The following SERPINC1 variants were observed in gnomAD, a reference collection of about 807,000 sequenced individuals.
SERPINC1 encodes serpin family C member 1, also known as antithrombin-III.
A neutral mutation model predicts 43.4 loss-of-function variants in SERPINC1; 12 were observed. The observed-to-expected ratio is 0.28, with a 90% CI of 0.18 to 0.45. The LOEUF (loss-of-function observed/expected upper bound fraction) is 0.45. Among genes scored for constraint, SERPINC1 ranks in the 20% least tolerant of loss-of-function variants. SERPINC1 has a pLI of 1.00. For synonymous variants in SERPINC1, 210 were observed against 218.9 expected, an observed-to-expected ratio of 0.96 and a Z score of 0.36; for missense variants, 423 against 578.8, an observed-to-expected ratio of 0.73 and a Z score of 2.76.
intron 4 of SERPINC1, 32 bp from the exon 5 acceptor site, chr1:173,909,974 C>A (rs1303689471): frequency 2.5e-6 from 4 of 1,608,944 alleles, no homozygotes; most frequent in Admixed American, 1.7e-5. Context: ...AGAACACAAA[C>A]ATTCATAGGA....
chr1:173,906,114 G>A (rs1192268626), intron 6 of SERPINC1, among the ~76,000 whole-genome samples: 3 of 149,212 alleles, frequency 2.0e-5, no homozygotes, highest in East Asian at 1.9e-4. Flanking sequence ...CCTGGCTCCC[G>A]CAAAAAATAG....
chr1:173,914,453 G>A (rs1421812986), intron 2 of SERPINC1, 100 bp downstream of exon 2: 1 of 1,347,180 alleles, frequency 7.4e-7, no homozygotes, highest in East Asian at 2.3e-5. Context: ...AGCGCCCCTA[G>A]TGGCCTGCAG....
At chr1:173,916,412 T>C (rs1408963472) in intron 1 of SERPINC1, among the ~76,000 whole-genome samples, 1 of 152,138 alleles carries the variant, frequency 6.6e-6, no homozygotes, top group African/African-American at 2.4e-5. Flanking sequence ...CTTGCCTTCT[T>C]GCGTGGTCTG....
Position 173,909,685 on chromosome 1 carries a change from C to T in SERPINC1, c.1020G>A (p.Leu340=). ...CCAGCATCATCTCCTCCAATTCATCCAGCCACTCTTGCAGCACCTCTGGGG... is the reference window on the plus strand; with the variant it reads ...CCAGCATCATCTCCTCCAATTCATCTAGCCACTCTTGCAGCACCTCTGGGG... The part of the protein sequence containing the change: ...ELTPEVLQEW[L]DELEEMMLVV... The change falls in exon 5 of 7, where the codon CTG becomes CTA. Residue 340 remains leucine (L), a synonymous_variant. Transcript: ENST00000367698. 1 of 1,613,976 alleles carries T rather than the reference C, an allele frequency of 6.2e-7. No individual in the cohort carries two copies. Among genetic ancestry groups the T allele is most frequent in the Non-Finnish European group, 8.5e-7 (1 of 1,179,864 alleles).
At chr1:173,912,816 G>C (rs192921114) in intron 2 of SERPINC1, among the ~76,000 whole-genome samples, 1 of 152,160 alleles carries the variant, frequency 6.6e-6, no homozygotes, top group African/African-American at 2.4e-5. Flanking sequence ...AAAGGAACAT[G>C]TGTGGTTTGG....
intron 2 of SERPINC1, among the ~76,000 whole-genome samples, chr1:173,914,193 C>T (rs1657890737): frequency 6.6e-6 from 1 of 151,980 alleles, no homozygotes; most frequent in South Asian, 2.1e-4. Context: ...CTACACATTG[C>T]CTGGCACAGA....
At chr1:173,915,077 T>G in intron 1 of SERPINC1, 158 bp from the exon 2 acceptor site, 1 of 1,505,830 alleles carries the variant, frequency 6.6e-7, no homozygotes, top group East Asian at 2.5e-5. Flanking sequence ...CCGGGACAGG[T>G]TCAGTCCTAG....
intron 1 of SERPINC1, among the ~76,000 whole-genome samples, chr1:173,916,003 G>A (rs1374338098): frequency 2.6e-5 from 4 of 152,112 alleles, no homozygotes; most frequent in Admixed American, 2.6e-4. Flanking sequence ...GAGTCAATCA[G>A]TTCTGTTTTT....
In SERPINC1 at chr1:173,903,982, G is replaced by T; in HGVS notation, c.1302C>A (p.Phe434Leu). Residue 434 changes from phenylalanine to leucine, a missense_variant, in exon 7 of 7, where the codon TTC (phenylalanine) becomes TTA (leucine). Coordinates refer to ENST00000367698, the MANE Select transcript of SERPINC1 (RefSeq NM_000488.4). ...GRSLNPNRVT[F>L]KANRPFLVFI... ...AAACCAGGAAAGGCCTGTTGGCCTT[G>T]AAAGTCACCCTGTTGGGGTTTAGCG... is the stretch of plus-strand genomic sequence containing the variant. The T allele has an allele frequency of 6.2e-7, 1 of 1,614,166 alleles. No individual in the cohort carries two copies. The highest frequency in any genetic ancestry group is 8.5e-7 in the Non-Finnish European group (1 of 1,179,986).
intron 5 of SERPINC1, among the ~76,000 whole-genome samples, chr1:173,909,341 C>T (rs913120220): frequency 3.3e-5 from 5 of 152,124 alleles, no homozygotes; most frequent in Non-Finnish European, 5.9e-5. Context: ...CTAGCTGGGC[C>T]CATGGAGATC....
intron 5 of SERPINC1, 141 bp downstream of exon 5, chr1:173,909,411 T>C (rs1428296288): frequency 2.3e-6 from 2 of 863,332 alleles, no homozygotes; most frequent in Non-Finnish European, 3.6e-6. Flanking sequence ...AAAAGAGATT[T>C]CCACAAATTA....
At position 173,910,808 on chromosome 1, in the gene SERPINC1, C is replaced by A. The variant is rs774632265; in HGVS notation, c.708G>T (p.Ser236=). 6.2e-7 allele frequency: 1 copy of A among 1,614,050 alleles called. No homozygotes were observed. The highest frequency in any genetic ancestry group is 1.1e-5 in the South Asian group (1 of 91,078). Residue 236 remains serine (S), a synonymous_variant, in exon 4 of 7, where the codon TCG becomes TCT. Transcript: ENST00000367698. ...GAACAGTGAGCTCATTGATGGCTTCCGAGGGAATGACATCGGTGATTCGGC... is the reference window on the plus strand; with the variant it reads ...GAACAGTGAGCTCATTGATGGCTTCAGAGGGAATGACATCGGTGATTCGGC... ...TEGRITDVIP[S]EAINELTVLV...
rs1315832378 is a variant in SERPINC1 at position 173,910,896 on chromosome 1, G to C, written c.625-5C>G. On this transcript the variant is annotated splice_polypyrimidine_tract_variant and splice_region_variant and intron_variant, in intron 3 of 6. Transcript: ENST00000367698. ...TCTGGATTGCTCTGCATTTTCCTGAGGAGAACAGAAAATAAACCTACTCAC... is the reference window on the plus strand; with the variant it reads ...TCTGGATTGCTCTGCATTTTCCTGACGAGAACAGAAAATAAACCTACTCAC... 5 of 1,613,978 alleles carry C rather than the reference G, an allele frequency of 3.1e-6. No individual in the cohort carries two copies. The highest frequency in any genetic ancestry group is 4.2e-6 in the Non-Finnish European group (5 of 1,180,002).
At chr1:173,914,164 A>G (rs1657890118) in intron 2 of SERPINC1, among the ~76,000 whole-genome samples, 1 of 152,132 alleles carries the variant, frequency 6.6e-6, no homozygotes. Context: ...CTCTTCTTCC[A>G]CCAGAGGAGG....
Position 173,909,634 on chromosome 1 carries a change from A to G in SERPINC1, c.1071T>C (p.Ile357=), listed in dbSNP as rs1403741935. Residue 357 remains isoleucine, a synonymous_variant, in exon 5 of 7, where the codon ATT becomes ATC. Transcript: ENST00000367698. ...MLVVHMPRFR[I]EDGFSLKEQL... ...GCTCCTTCAAACTGAAGCCGTCCTCAATGCGGAAGCGGGGCATGTGGACCA... is the reference window on the plus strand; with the variant it reads ...GCTCCTTCAAACTGAAGCCGTCCTCGATGCGGAAGCGGGGCATGTGGACCA... The G allele has an allele frequency of 1.2e-6, 2 of 1,613,978 alleles. No individual in the cohort carries two copies. Among genetic ancestry groups the G allele is most frequent in the South Asian group, 2.2e-5 (2 of 91,082 alleles).
Position 173,911,668 on chromosome 1 carries a change from C to T in SERPINC1, c.624+131G>A. On this transcript the variant is annotated intron_variant, in intron 3 of 6. Transcript: ENST00000367698. ...AGTAAGAATAACTATTGCAGGGGTT[C>T]TAACTTTTAGTCAGCCCTCCAGCAG... 4 of 761,364 alleles carry T rather than the reference C, an allele frequency of 5.3e-6. No individual in the cohort carries two copies. In the East Asian group the frequency reaches 1.0e-4, roughly 20 times the overall value. The allele number at this position is 761,364 out of a possible 1,614,324, so 47.2% of individuals were successfully genotyped here.
At chr1:173,908,014 TAATA>T (rs1000582649) in intron 5 of SERPINC1, among the ~76,000 whole-genome samples, 1 of 132,584 alleles carries the variant, frequency 7.5e-6, no homozygotes, top group African/African-American at 2.8e-5. Flanking sequence ...ATAATAATAA[TAATA>T]ATAATAATAA....
intron 6 of SERPINC1, among the ~76,000 whole-genome samples, chr1:173,907,101 G>C (rs535328410): frequency 1.3e-5 from 2 of 150,000 alleles, no homozygotes; most frequent in Non-Finnish European, 3.0e-5. Flanking sequence ...GGCAACGAGC[G>C]AACGAAGCTC....
chr1:173,909,477 C>T, intron 5 of SERPINC1, 75 bp downstream of exon 5: 1 of 1,505,512 alleles, frequency 6.6e-7, no homozygotes, highest in Non-Finnish European at 9.2e-7. Flanking sequence ...CCTTTCTATT[C>T]TTTCTCCAAC....
Sources: allele counts gnomAD v4.1 joint callset (sites outside exome capture counted in the v4.1 genomes callset), GRCh38; gene constraint gnomAD v4.1.1; transcripts MANE v1.5; gene names NCBI Gene and HGNC (gene_info 2026-07-23, HGNC 2026-07-21).